Variants in CDKAL1 observed in about 807,000 individuals in gnomAD.
CDKAL1 encodes CDKAL1 threonylcarbamoyladenosine tRNA methylthiotransferase.
In CDKAL1, 32 loss-of-function variants were observed where a neutral mutation model predicts 68.2. That is an observed-to-expected ratio of 0.47 (90% CI 0.35 to 0.63). CDKAL1 has a LOEUF of 0.63. CDKAL1 is among the 30% of genes least tolerant of loss of function. CDKAL1 has a pLI of 0.00. For synonymous variants in CDKAL1, 234 were observed against 244.3 expected (o/e 0.96, Z 0.39); for missense variants, 606 against 696.7 (o/e 0.87, Z 1.47).
At chr6:20,925,314 T>G (rs1327537859) in intron 9 of CDKAL1, among the ~76,000 whole-genome samples, 2 of 152,248 alleles carry the variant, frequency 1.3e-5, no homozygotes, top group Admixed American at 1.3e-4. Context: ...AAAATAACTT[T>G]TAGATGCACT....
chr6:20,893,077 A>G (rs1336423777), intron 9 of CDKAL1, among the ~76,000 whole-genome samples: 3 of 152,154 alleles, frequency 2.0e-5, no homozygotes, highest in African/African-American at 7.2e-5. Flanking sequence ...GCAGAATAGC[A>G]TTACCCTGTA....
chr6:21,080,101 T>G (rs1267817055), intron 12 of CDKAL1, among the ~76,000 whole-genome samples: 1 of 151,450 alleles, frequency 6.6e-6, no homozygotes, highest in East Asian at 1.9e-4. Context: ...CTTTGAATCC[T>G]TCTTAAATTG....
At chr6:21,155,355 T>C (rs1776596489) in intron 13 of CDKAL1, among the ~76,000 whole-genome samples, 1 of 152,146 alleles carries the variant, frequency 6.6e-6, no homozygotes, top group African/African-American at 2.4e-5. Flanking sequence ...CTTGTACAAT[T>C]GGGAGGAGAC....
intron 12 of CDKAL1, among the ~76,000 whole-genome samples, chr6:21,081,450 A>T (rs1430024914): frequency 2.6e-5 from 4 of 152,156 alleles, no homozygotes; most frequent in Non-Finnish European, 5.9e-5. Flanking sequence ...TTTTATATGA[A>T]CTTGATTTAT....
At chr6:20,584,593 T>C (rs1484084490) in intron 4 of CDKAL1, among the ~76,000 whole-genome samples, 2 of 152,212 alleles carry the variant, frequency 1.3e-5, no homozygotes, top group Non-Finnish European at 2.9e-5. Context: ...GAGAACTGAC[T>C]GGTGAGTCCT....
intron 5 of CDKAL1, among the ~76,000 whole-genome samples, chr6:20,673,216 C>T (rs979093693): frequency 2.6e-5 from 4 of 152,124 alleles, no homozygotes; most frequent in Non-Finnish European, 5.9e-5. Flanking sequence ...CATGTTTTCC[C>T]AGTGTAGGCT....
intron 6 of CDKAL1, among the ~76,000 whole-genome samples, chr6:20,741,092 T>A (rs1023984336): frequency 2.0e-5 from 3 of 152,072 alleles, no homozygotes; most frequent in Non-Finnish European, 4.4e-5. Flanking sequence ...CAACATTTTT[T>A]AAAATGCCAT....
intron 4 of CDKAL1, among the ~76,000 whole-genome samples, chr6:20,581,617 C>T (rs1450730510): frequency 6.6e-6 from 1 of 152,114 alleles, no homozygotes; most frequent in African/African-American, 2.4e-5. Flanking sequence ...AGTAGTGTGA[C>T]AGGCAAAAGG....
intron 4 of CDKAL1, among the ~76,000 whole-genome samples, chr6:20,648,229 A>C (rs926781271): frequency 1.3e-5 from 2 of 151,208 alleles, no homozygotes; most frequent in Middle Eastern, 3.4e-3. Context: ...CCCGGGTTCA[A>C]GCAATTCTCT....
chr6:20,545,012 A>G (rs1021751904), intron 2 of CDKAL1, among the ~76,000 whole-genome samples: 1 of 151,776 alleles, frequency 6.6e-6, no homozygotes, highest in African/African-American at 2.4e-5. Context: ...TGGCTGGAGT[A>G]GAATGATTAT....
intron 12 of CDKAL1, among the ~76,000 whole-genome samples, chr6:21,080,469 C>A (rs970411422): frequency 2.0e-5 from 3 of 152,172 alleles, no homozygotes; most frequent in Non-Finnish European, 4.4e-5. Flanking sequence ...GATACCACAG[C>A]CGAGAGTGTC....
At chr6:20,986,693 G>A (rs534324681) in intron 10 of CDKAL1, among the ~76,000 whole-genome samples, 2 of 151,716 alleles carry the variant, frequency 1.3e-5, no homozygotes, top group South Asian at 4.2e-4. Context: ...TGATCTCCAA[G>A]TATGCTTATT....
In CDKAL1 at chr6:20,694,173, TAAAC is replaced by T. The variant is rs199756184; in HGVS notation, c.371+44819_371+44822del. ...ATGTGGAGTTTTATAACTATCTTTA[TAAAC>T]AAACAAACAAACAAACAAACAAGCA... On this transcript the variant is annotated intron_variant, in intron 5 of 15. Coordinates refer to ENST00000274695, the MANE Select transcript of CDKAL1 (RefSeq NM_017774.3). Among the ~76,000 whole-genome samples, 1,136 of 149,648 alleles carry T rather than the reference TAAAC, an allele frequency of 7.6e-3. 1 individual carries two copies. The highest frequency in any genetic ancestry group is 0.012 in the East Asian group (62 of 5,162).
chr6:21,093,724 T>A (rs1773172979), intron 12 of CDKAL1, among the ~76,000 whole-genome samples: 5 of 47,130 alleles, frequency 1.1e-4, no homozygotes, highest in Admixed American at 1.0e-3. Context: ...TTTTTTTTTT[T>A]TTTTTTTTTT....
chr6:21,215,190 C>T (rs13200114), intron 15 of CDKAL1, among the ~76,000 whole-genome samples: 29,955 of 152,080 alleles, frequency 0.2, 3,111 homozygotes, highest in South Asian at 0.31. Context: ...ACTGGGACTC[C>T]GTGGGTGAAT....
chr6:20,731,896 A>G (rs116445626), intron 5 of CDKAL1, among the ~76,000 whole-genome samples: 1,706 of 152,272 alleles, frequency 0.011, 30 homozygotes, highest in African/African-American at 0.037. Context: ...CATAGCCAAC[A>G]GCAGCCAGCC....
At chr6:20,796,235 C>G (rs1203319653) in intron 8 of CDKAL1, among the ~76,000 whole-genome samples, 5 of 151,944 alleles carry the variant, frequency 3.3e-5, no homozygotes, top group African/African-American at 1.2e-4. Flanking sequence ...AAAGGAAATA[C>G]AGAAATTATT....
chr6:21,013,792 A>G (rs1437454561), intron 11 of CDKAL1, among the ~76,000 whole-genome samples: 2 of 152,244 alleles, frequency 1.3e-5, no homozygotes, highest in Non-Finnish European at 2.9e-5. Flanking sequence ...ATTCTGTCAC[A>G]TATAGTATCC....
chr6:20,938,006 T>C (rs952046032), intron 9 of CDKAL1, among the ~76,000 whole-genome samples: 1 of 152,210 alleles, frequency 6.6e-6, no homozygotes, highest in Non-Finnish European at 1.5e-5. Context: ...TTGCCAGATG[T>C]TGATTTTCCT....
Sources: allele counts gnomAD v4.1 joint callset (sites outside exome capture counted in the v4.1 genomes callset), GRCh38; gene constraint gnomAD v4.1.1; transcripts MANE v1.5; gene names NCBI Gene and HGNC (gene_info 2026-07-23, HGNC 2026-07-21).